BCKDHB: variants seen among roughly 807,000 people sequenced by gnomAD.
The protein encoded by BCKDHB is branched chain keto acid dehydrogenase E1 subunit beta.
Under a neutral mutation model 48.5 loss-of-function variants are expected in BCKDHB, and 41 were observed. That is an observed-to-expected ratio of 0.85 (90% confidence interval 0.66 to 1.10). The LOEUF (loss-of-function observed/expected upper bound fraction) is 1.10. Ranked by LOEUF, BCKDHB falls within the 50% of genes least tolerant of loss-of-function variation. BCKDHB has a pLI of 0.00. For missense variants in BCKDHB, 496 were observed against 494.2 expected (o/e 1.00, Z -0.03); for synonymous variants, 201 against 174.8 (o/e 1.15, Z -1.18).
At chr6:80,187,886 C>T (rs1773719488) in intron 6 of BCKDHB, among the ~76,000 whole-genome samples, 1 of 152,128 alleles carries the variant, frequency 6.6e-6, no homozygotes, top group African/African-American at 2.4e-5. Flanking sequence ...GTGGAAATGT[C>T]AACTGGTTTA....
chr6:80,199,503 C>T (rs184939576), intron 6 of BCKDHB, among the ~76,000 whole-genome samples: 4 of 152,032 alleles, frequency 2.6e-5, no homozygotes, highest in East Asian at 3.9e-4. Context: ...AATGGCTAGG[C>T]GCGATGGCTC....
intron 1 of BCKDHB, among the ~76,000 whole-genome samples, chr6:80,113,515 G>A (rs1769524774): frequency 6.6e-6 from 1 of 152,250 alleles, no homozygotes; most frequent in African/African-American, 2.4e-5. Context: ...CTTAGGCATT[G>A]TGCGCTGAAG....
intron 6 of BCKDHB, among the ~76,000 whole-genome samples, chr6:80,189,022 A>G (rs1178512641): frequency 1.3e-5 from 2 of 152,136 alleles, no homozygotes; most frequent in East Asian, 3.9e-4. Context: ...GTATTTTATC[A>G]TTTTAAATCA....
At chr6:80,129,251 T>C in intron 3 of BCKDHB, 22 bp downstream of exon 3, 1 of 1,572,314 alleles carries the variant, frequency 6.4e-7, no homozygotes, top group Non-Finnish European at 8.7e-7. Context: ...CCTATATGAA[T>C]AGTATTCTGA....
At chr6:80,252,893 T>A (rs139439225) in intron 8 of BCKDHB, among the ~76,000 whole-genome samples, 26 of 152,252 alleles carry the variant, frequency 1.7e-4, no homozygotes, top group African/African-American at 6.0e-4. Context: ...ATAGTCTAGA[T>A]TTCTTTCTTC....
At chr6:80,137,799 G>C (rs553268894) in intron 3 of BCKDHB, among the ~76,000 whole-genome samples, 2 of 151,962 alleles carry the variant, frequency 1.3e-5, no homozygotes, top group South Asian at 4.2e-4. Context: ...TACTGTTGAA[G>C]CTGGCTGGGC....
chr6:80,461,812 A>C, the BCKDHB span, among the ~76,000 whole-genome samples: 2 of 152,134 alleles, frequency 1.3e-5, no homozygotes, highest in African/African-American at 4.8e-5. Context: ...CTTCTAATAC[A>C]CAAACAGTTG....
the BCKDHB span, among the ~76,000 whole-genome samples, chr6:80,464,098 A>G: frequency 6.6e-6 from 1 of 152,146 alleles, no homozygotes; most frequent in Admixed American, 6.6e-5. Context: ...TTACAAGTGC[A>G]TTGAGTCTCT....
chr6:80,331,956 G>A (rs954346301), intron 9 of BCKDHB, among the ~76,000 whole-genome samples: 2 of 130,376 alleles, frequency 1.5e-5, no homozygotes, highest in Non-Finnish European at 3.3e-5. Flanking sequence ...ATGCTCATTT[G>A]GGGGGGACTA....
the BCKDHB span, among the ~76,000 whole-genome samples, chr6:80,436,647 C>A: frequency 2.0e-5 from 3 of 152,080 alleles, no homozygotes; most frequent in Non-Finnish European, 2.9e-5. Flanking sequence ...AATTTTTAAG[C>A]CTTTTCTTTG....
At chr6:80,330,341 A>G (rs984952337) in intron 9 of BCKDHB, among the ~76,000 whole-genome samples, 2 of 152,152 alleles carry the variant, frequency 1.3e-5, no homozygotes, top group African/African-American at 4.8e-5. Context: ...TGACATATAT[A>G]TATATTTGGC....
chr6:80,200,718 G>A (rs1582341103), intron 6 of BCKDHB, among the ~76,000 whole-genome samples: 1 of 151,994 alleles, frequency 6.6e-6, no homozygotes, highest in East Asian at 1.9e-4. Context: ...TTCCAAGATA[G>A]CTGATATGTT....
chr6:80,245,885 G>A (rs933935375), intron 8 of BCKDHB, among the ~76,000 whole-genome samples: 1 of 152,110 alleles, frequency 6.6e-6, no homozygotes, highest in Non-Finnish European at 1.5e-5. Context: ...AGACCAGCCT[G>A]GGCAATATGA....
intron 8 of BCKDHB, among the ~76,000 whole-genome samples, chr6:80,210,153 AAC>A (rs1554196194): frequency 7.1e-5 from 10 of 140,144 alleles, no homozygotes; most frequent in African/African-American, 2.1e-4. Flanking sequence ...AAAAAAAAAA[AAC>A]CAGAAGCGTT....
intron 8 of BCKDHB, among the ~76,000 whole-genome samples, chr6:80,223,033 G>A (rs1167054790): frequency 6.6e-6 from 1 of 152,070 alleles, no homozygotes; most frequent in Non-Finnish European, 1.5e-5. Flanking sequence ...TATATTGATA[G>A]CCTGAAAATA....
the BCKDHB span, among the ~76,000 whole-genome samples, chr6:80,416,994 T>G: frequency 1.3e-5 from 2 of 152,122 alleles, no homozygotes; most frequent in Non-Finnish European, 2.9e-5. Flanking sequence ...TCTAAGTCTC[T>G]TTAAAGCTTT....
the BCKDHB span, among the ~76,000 whole-genome samples, chr6:80,391,050 T>C: frequency 6.6e-6 from 1 of 152,118 alleles, no homozygotes; most frequent in African/African-American, 2.4e-5. Flanking sequence ...GTTCTTCAAT[T>C]CTGAGACTCA....
chr6:80,328,099 T>C (rs1337730540), intron 9 of BCKDHB, among the ~76,000 whole-genome samples: 1 of 152,120 alleles, frequency 6.6e-6, no homozygotes, highest in East Asian at 1.9e-4. Context: ...GTTACCAGTA[T>C]TGAGGGACTA....
intron 1 of BCKDHB, among the ~76,000 whole-genome samples, chr6:80,112,304 T>C (rs1769451654): frequency 6.6e-6 from 1 of 152,104 alleles, no homozygotes; most frequent in Non-Finnish European, 1.5e-5. Context: ...AACCAAAATT[T>C]CAGGTCAAGC....
Sources: gnomAD v4.1 joint callset for allele counts (sites outside exome capture counted in the v4.1 genomes callset) on GRCh38, gnomAD v4.1.1 for gene constraint, MANE v1.5 for transcripts, NCBI Gene and HGNC (gene_info 2026-07-23, HGNC 2026-07-21) for gene names.